ADGRB1: variants seen among roughly 807,000 people sequenced by gnomAD.
The protein encoded by ADGRB1 is adhesion G protein-coupled receptor B1.
ADGRB1 carries 36 observed loss-of-function variants against 175.7 expected under a neutral mutation model. The ratio of observed to expected loss-of-function variants is 0.20; its 90% CI spans 0.16 to 0.27. The LOEUF is 0.27. ADGRB1 is among the 10% of genes least tolerant of loss of function. The pLI is 1.00. For synonymous variants in ADGRB1, 1,054 were observed against 979.4 expected, an observed-to-expected ratio of 1.08 and a Z score of -1.42; for missense variants, 1,731 against 2,255.3, an observed-to-expected ratio of 0.77 and a Z score of 4.71.
intron 17 of ADGRB1, among the ~76,000 whole-genome samples, chr8:142,499,291 C>T (rs760874898): frequency 2.6e-5 from 4 of 152,212 alleles, no homozygotes; most frequent in Non-Finnish European, 5.9e-5. Context: ...GTCTTGGCTC[C>T]CGTGTCTTTA....
chr8:142,451,077 T>C (rs1191547511), intron 1 of ADGRB1, among the ~76,000 whole-genome samples: 1 of 152,090 alleles, frequency 6.6e-6, no homozygotes. Context: ...GGCTGGGAGC[T>C]CTGGACCCGG....
chr8:142,500,243 A>C lies in ADGRB1; in HGVS notation c.2675+9428A>C, dbSNP rs866065153. Among the ~76,000 whole-genome samples the C allele has an allele frequency of 9.0e-3, 68 of 7,562 alleles. 1 individual carries two copies. The highest frequency in any genetic ancestry group is 0.025 in the South Asian group (6 of 244). 5.0% of individuals were successfully genotyped at this position (7,562 alleles called of 152,430 possible). A position where few individuals can be genotyped will look rare whatever the true frequency, so the allele number is the denominator to read the frequency against. On this transcript the variant is annotated intron_variant, in intron 17 of 30. Transcript: ENST00000517894. Reference sequence around the variant, plus strand: ...CCCCGCGCCGCTCCTCCACCTCCCCACGCGCCGCTCCTCCACCTCCCCACG... The same window carrying C: ...CCCCGCGCCGCTCCTCCACCTCCCCCCGCGCCGCTCCTCCACCTCCCCACG...
chr8:142,526,319 G>T (rs1044246218), intron 23 of ADGRB1, among the ~76,000 whole-genome samples: 8 of 152,196 alleles, frequency 5.3e-5, no homozygotes, highest in Admixed American at 3.3e-4. Context: ...AGGTGCCGAC[G>T]GTGCGGGTGA....
chr8:142,522,466 T>G (rs976137671), intron 21 of ADGRB1, among the ~76,000 whole-genome samples, 175 bp from the exon 22 acceptor site: 1 of 152,222 alleles, frequency 6.6e-6, no homozygotes, highest in Non-Finnish European at 1.5e-5. Flanking sequence ...TGCGCCCAGC[T>G]CCGCAGGCCC....
chr8:142,543,398 T>A lies in ADGRB1; in HGVS notation c.4414-5T>A, dbSNP rs780754689. The stretch of plus-strand genomic sequence containing the variant: ...CGAATGTTCGCAAACCCCTTCTCCC[T>A]GCAGCGGCGGAAGTCGCGGTATGCA... On this transcript the variant is annotated splice_region_variant and splice_polypyrimidine_tract_variant and intron_variant, in intron 28 of 30. Transcript: ENST00000517894. The surrounding 1 kb of genome is among the most constrained non-coding windows in gnomAD (Gnocchi z 4.4). 1 of 1,613,766 alleles carries A rather than the reference T, an allele frequency of 6.2e-7. No homozygotes were observed. The highest frequency in any genetic ancestry group is 8.5e-7 in the Non-Finnish European group (1 of 1,179,782).
At chr8:142,534,799 C>T (rs1844832154) in intron 25 of ADGRB1, among the ~76,000 whole-genome samples, 1 of 152,210 alleles carries the variant, frequency 6.6e-6, no homozygotes, top group South Asian at 2.1e-4. Flanking sequence ...CTGGGAGAAG[C>T]CGCTCACCCT....
At chr8:142,527,079 G>A (rs576478533) in intron 24 of ADGRB1, among the ~76,000 whole-genome samples, 1 of 152,192 alleles carries the variant, frequency 6.6e-6, no homozygotes, top group South Asian at 2.1e-4. Flanking sequence ...TGGTGCAGAG[G>A]ACAGGTGGAG....
Position 142,511,072 on chromosome 8 carries a change from C to T in ADGRB1, c.2816C>T (p.Ala939Val), listed in dbSNP as rs779819826. Residue 939 changes from alanine (A) to valine (V), a missense_variant and splice_region_variant, in exon 18 of 31, where the codon GCG becomes GTG. Physicochemically the swap from Ala to Val is moderately conservative, Grantham distance 64 (BLOSUM62 0). This residue lies in a region of ADGRB1 where 301 missense variants were observed against 488.4 expected (regional missense o/e 0.62). Transcript: ENST00000517894. The surrounding 1 kb of genome is among the most constrained non-coding windows in gnomAD (Gnocchi z 4.5). ...ATCTTAGCCCAGCTCAGCGCCGACG[C>T]GGTGAGACCCCGGCCGGGCCGGCGG... ...FAILAQLSAD[A>V]NMEKATLPSV... 2 of 1,165,284 alleles carry T rather than the reference C, an allele frequency of 1.7e-6. No individual in the cohort carries two copies. Among genetic ancestry groups the T allele is most frequent in the Non-Finnish European group, 2.1e-6 (2 of 935,696 alleles). 72.2% of individuals were successfully genotyped at this position (1,165,284 alleles called of 1,614,324 possible). A position where few individuals can be genotyped will look rare whatever the true frequency, so the allele number is the denominator to read the frequency against.
chr8:142,458,871 G>A (rs1035060294), intron 1 of ADGRB1, among the ~76,000 whole-genome samples: 1 of 152,252 alleles, frequency 6.6e-6, no homozygotes, highest in Admixed American at 6.5e-5. Context: ...GGGAGCTGCT[G>A]TTATCCAGGT....
At chr8:142,516,469 ATG>A (rs796669183) in intron 18 of ADGRB1, among the ~76,000 whole-genome samples, 30 of 63,246 alleles carry the variant, frequency 4.7e-4, no homozygotes, top group Admixed American at 8.7e-4. Context: ...CGGGCCCCAG[ATG>A]TGTGTGTGTG....
At chr8:142,488,546 G>C (rs754766063) in intron 14 of ADGRB1, 39 bp downstream of exon 14, 1 of 1,602,340 alleles carries the variant, frequency 6.2e-7, no homozygotes, top group Admixed American at 1.7e-5. Context: ...CTTCATGGGG[G>C]ACGTGGGCCC....
intron 18 of ADGRB1, among the ~76,000 whole-genome samples, chr8:142,516,368 G>A (rs1307244322): frequency 9.1e-5 from 13 of 142,884 alleles, no homozygotes; most frequent in African/African-American, 3.2e-4. Flanking sequence ...GTGTGTGCGG[G>A]CCCCAGGTGC....
In ADGRB1 at chr8:142,454,440, C is replaced by T. The variant is rs558196905; in HGVS notation, c.-220+4336C>T. On this transcript the variant is annotated intron_variant, in intron 1 of 30. Transcript: ENST00000517894. Reference sequence around the variant, plus strand: ...CAGCACGAGCACACCGTGAGGTGCACACGGGTGCACACGGCACCCCCGCCC... The same window carrying T: ...CAGCACGAGCACACCGTGAGGTGCATACGGGTGCACACGGCACCCCCGCCC... Among the ~76,000 whole-genome samples the T allele has an allele frequency of 2.6e-5, 4 of 152,280 alleles. No homozygotes were observed. The East Asian group carries it at 5.8e-4, about 22-fold the overall frequency.
Position 142,528,657 on chromosome 8 carries a change from C to A in ADGRB1, c.3398+2030C>A, listed in dbSNP as rs538017931. Among the ~76,000 whole-genome samples the A allele has an allele frequency of 5.8e-4, 88 of 151,192 alleles. 1 individual carries two copies. The highest frequency in any genetic ancestry group is 1.9e-4 in the Non-Finnish European group (13 of 67,304). ...CAGTAACGCCATGTTAGTGCCTCCG[C>A]TGCCACCTCCCTCCTAGGCCCACCC... is the stretch of plus-strand genomic sequence containing the variant. On this transcript the variant is annotated intron_variant, in intron 24 of 30. Coordinates refer to ENST00000517894, the MANE Select transcript of ADGRB1 (RefSeq NM_001702.3).
At chr8:142,514,301 G>A (rs1843286459) in intron 18 of ADGRB1, among the ~76,000 whole-genome samples, 1 of 152,024 alleles carries the variant, frequency 6.6e-6, no homozygotes, top group Non-Finnish European at 1.5e-5. Flanking sequence ...GCGAGGGGAG[G>A]TGAGACCCAC....
chr8:142,524,208 G>C, intron 22 of ADGRB1, 30 bp from the exon 23 acceptor site: 1 of 1,589,604 alleles, frequency 6.3e-7, no homozygotes, highest in African/African-American at 1.3e-5. Context: ...TCTGCACACG[G>C]GCGGTGCTGA....
At position 142,543,501 on chromosome 8, in the gene ADGRB1, G is replaced by C; in HGVS notation, c.4449+63G>C. On this transcript the variant is annotated intron_variant, in intron 29 of 30. Coordinates refer to ENST00000517894, the MANE Select transcript of ADGRB1 (RefSeq NM_001702.3). This position sits in a 1 kb window ranked among gnomAD's most constrained non-coding sequence, Gnocchi z 4.4. Reference sequence around the variant, plus strand: ...CCAGATGTGCTCTGGGCTCCCACACGGCCAGGCAGCTCCCCGGCAGCCAGG... The same window carrying C: ...CCAGATGTGCTCTGGGCTCCCACACCGCCAGGCAGCTCCCCGGCAGCCAGG... 1.9e-6 allele frequency: 3 copies of C among 1,609,426 alleles called. No homozygotes were observed. Among genetic ancestry groups the C allele is most frequent in the Middle Eastern group, 1.7e-4 (1 of 6,056 alleles).
rs912164574 is a variant in ADGRB1 at position 142,495,182 on chromosome 8, C to T, written c.2675+4367C>T. 8.6e-5 allele frequency among the ~76,000 whole-genome samples: 13 copies of T among 150,662 alleles called. 2 individuals carry two copies. The highest frequency in any genetic ancestry group is 7.2e-4 in the Admixed American group (11 of 15,178). ...GGGGGTGTGGATAATCTGTGGGAGC[C>T]GGCTGTTTGCCAGAGGGATGCACCC... On this transcript the variant is annotated intron_variant, in intron 17 of 30. Transcript: ENST00000517894.
intron 2 of ADGRB1, among the ~76,000 whole-genome samples, chr8:142,465,515 C>T (rs535147378): frequency 6.6e-6 from 1 of 151,728 alleles, no homozygotes; most frequent in Non-Finnish European, 1.5e-5. Flanking sequence ...GATGAGGTTT[C>T]GGGTTGAGTA....
Sources: gnomAD v4.1 joint callset for allele counts (sites outside exome capture counted in the v4.1 genomes callset) on GRCh38, gnomAD v4.1.1 for gene constraint, gnomAD v4.1.1 regional missense constraint, Gnocchi (gnomAD v3.1) non-coding constraint, MANE v1.5 for transcripts, NCBI Gene and HGNC (gene_info 2026-07-23, HGNC 2026-07-21) for gene names.